MCU: variants seen among roughly 807,000 people sequenced by gnomAD.
MCU encodes the protein mitochondrial calcium uniporter.
A neutral mutation model predicts 45.2 loss-of-function variants in MCU; 12 were observed. The ratio of observed to expected loss-of-function variants is 0.27; its 90% CI spans 0.17 to 0.43. The LOEUF (loss-of-function observed/expected upper bound fraction) is 0.43, where lower values mean the gene tolerates loss of function less well. Ranked by LOEUF, MCU falls within the 20% of genes least tolerant of loss-of-function variation. The pLI is 1.00. For missense variants in MCU, 324 were observed against 436.7 expected, an observed-to-expected ratio of 0.74 and a Z score of 2.30; for synonymous variants, 160 against 165.1, an observed-to-expected ratio of 0.97 and a Z score of 0.24.
intron 1 of MCU, among the ~76,000 whole-genome samples, chr10:72,776,756 T>C (rs1589454373): frequency 6.6e-6 from 1 of 151,766 alleles, no homozygotes; most frequent in East Asian, 1.9e-4. Flanking sequence ...GGCATCCAAA[T>C]TGGAAAGAAA....
intron 6 of MCU, among the ~76,000 whole-genome samples, chr10:72,874,435 T>C (rs545922765): frequency 1.9e-3 from 288 of 152,342 alleles, no homozygotes; most frequent in Middle Eastern, 0.014. Flanking sequence ...TTTTCTTAGT[T>C]ATCAGAAGAA....
chr10:72,714,692 G>A (rs925169147), intron 1 of MCU, among the ~76,000 whole-genome samples: 1 of 152,102 alleles, frequency 6.6e-6, no homozygotes, highest in East Asian at 1.9e-4. Flanking sequence ...TTACAGGCAT[G>A]CAACACCACG....
intron 1 of MCU, among the ~76,000 whole-genome samples, chr10:72,797,071 A>G (rs1409309096): frequency 6.6e-6 from 1 of 152,024 alleles, no homozygotes; most frequent in Non-Finnish European, 1.5e-5. Context: ...CACCCATAAT[A>G]TTGTAGCTTA....
intron 1 of MCU, among the ~76,000 whole-genome samples, chr10:72,810,634 GGTT>G (rs71021536): frequency 0.017 from 2,495 of 146,864 alleles, 27 homozygotes; most frequent in South Asian, 0.029. Flanking sequence ...CGCCCAGCTA[GGTT>G]GTTGTTGTTG....
intron 1 of MCU, among the ~76,000 whole-genome samples, chr10:72,696,161 CAAAAAAAAAAA>C (rs58694098): frequency 3.3e-5 from 1 of 30,638 alleles, no homozygotes; most frequent in Non-Finnish European, 5.6e-5. Context: ...AACTCCGACT[CAAAAAAAAAAA>C]AAAAAAAAAA....
chr10:72,718,788 G>A (rs1039013131), intron 1 of MCU, among the ~76,000 whole-genome samples: 7 of 152,206 alleles, frequency 4.6e-5, no homozygotes, highest in Admixed American at 4.6e-4. Context: ...CACATAATGA[G>A]TATTGAACAG....
chr10:72,831,653 G>A (rs566035358), intron 1 of MCU, among the ~76,000 whole-genome samples: 2 of 152,176 alleles, frequency 1.3e-5, no homozygotes, highest in East Asian at 3.8e-4. Flanking sequence ...GGTGTTAAAT[G>A]TATGGGGGGA....
chr10:72,854,167 C>G (rs1285052994), intron 2 of MCU, among the ~76,000 whole-genome samples: 1 of 152,004 alleles, frequency 6.6e-6, no homozygotes, highest in Non-Finnish European at 1.5e-5. Flanking sequence ...GTGGCACATG[C>G]CTGTAGTCCC....
At chr10:72,855,733 T>G (rs893088320) in intron 2 of MCU, among the ~76,000 whole-genome samples, 2 of 152,166 alleles carry the variant, frequency 1.3e-5, no homozygotes, top group Non-Finnish European at 2.9e-5. Context: ...AGTAAGATGG[T>G]AAGACTTATA....
chr10:72,868,653 A>G (rs1845494613), intron 4 of MCU, 50 bp from the exon 5 acceptor site: 1 of 1,549,228 alleles, frequency 6.5e-7, no homozygotes, highest in Non-Finnish European at 8.9e-7. Context: ...TCCCAGGAAT[A>G]GCAATCATTT....
chr10:72,871,375 A>G lies in MCU; in HGVS notation c.658-2A>G. The G allele has an allele frequency of 6.2e-7, 1 of 1,613,860 alleles. No homozygotes were observed. The highest frequency in any genetic ancestry group is 1.1e-5 in the South Asian group (1 of 91,074). On this transcript the variant is annotated splice_acceptor_variant, in intron 5 of 7. Coordinates refer to ENST00000373053, the MANE Select transcript of MCU (RefSeq NM_138357.3). LOFTEE classifies it high-confidence loss of function. Reference sequence around the variant, plus strand: ...TGCCTTATGATTATGTGTGCCCAATAGGTACGAATTGAGATTAGCAGAAAA... The same window carrying G: ...TGCCTTATGATTATGTGTGCCCAATGGGTACGAATTGAGATTAGCAGAAAA...
chr10:72,775,703 C>T (rs1843882703), intron 1 of MCU, among the ~76,000 whole-genome samples: 2 of 152,116 alleles, frequency 1.3e-5, no homozygotes, highest in African/African-American at 4.8e-5. Context: ...ACTGAAACCT[C>T]AGACATACAA....
intron 1 of MCU, among the ~76,000 whole-genome samples, chr10:72,804,564 T>C (rs1844401329): frequency 6.6e-6 from 1 of 152,236 alleles, no homozygotes; most frequent in Admixed American, 6.5e-5. Flanking sequence ...TAATTTCTTA[T>C]AGAGAATAAA....
intron 4 of MCU, among the ~76,000 whole-genome samples, chr10:72,862,356 C>T (rs1845392043): frequency 6.6e-6 from 1 of 152,088 alleles, no homozygotes. Flanking sequence ...TGTTAATGCC[C>T]CTTCCACCAC....
chr10:72,713,132 G>T (rs150589888), intron 1 of MCU, among the ~76,000 whole-genome samples: 2 of 152,306 alleles, frequency 1.3e-5, no homozygotes, highest in East Asian at 3.9e-4. Flanking sequence ...GTTACAAATG[G>T]TGACCAATTT....
intron 1 of MCU, among the ~76,000 whole-genome samples, chr10:72,727,593 C>T (rs536089439): frequency 1.3e-5 from 2 of 152,168 alleles, no homozygotes; most frequent in Admixed American, 1.3e-4. Flanking sequence ...TCCTTTTTCA[C>T]TCTTAACTCC....
intron 5 of MCU, among the ~76,000 whole-genome samples, chr10:72,869,616 C>T (rs1034765070): frequency 6.6e-6 from 1 of 151,804 alleles, no homozygotes; most frequent in African/African-American, 2.4e-5. Flanking sequence ...ACAACAACAA[C>T]AAAATAACAA....
intron 2 of MCU, among the ~76,000 whole-genome samples, chr10:72,842,730 C>T (rs1287880497): frequency 6.6e-6 from 1 of 151,620 alleles, no homozygotes; most frequent in Non-Finnish European, 1.5e-5. Context: ...GGGAAAGAAT[C>T]CTTCAGGTTT....
chr10:72,771,567 T>C (rs1843809195), intron 1 of MCU, among the ~76,000 whole-genome samples: 1 of 152,240 alleles, frequency 6.6e-6, no homozygotes, highest in African/African-American at 2.4e-5. Context: ...TCCACTTTGC[T>C]GAATATAAGA....
Sources: gnomAD v4.1 joint callset for allele counts (sites outside exome capture counted in the v4.1 genomes callset) on GRCh38, gnomAD v4.1.1 for gene constraint, MANE v1.5 for transcripts, NCBI Gene and HGNC (gene_info 2026-07-23, HGNC 2026-07-21) for gene names.